BEND2: variants seen among roughly 807,000 people sequenced by gnomAD.
BEND2 encodes BEN domain containing 2, also known as BEN domain-containing protein 2.
In BEND2, 19 loss-of-function variants were observed where a neutral mutation model predicts 43.8. The observed-to-expected ratio is 0.43, with a 90% CI of 0.30 to 0.64. BEND2 has a LOEUF of 0.64. Ranked by LOEUF, BEND2 falls within the 30% of genes least tolerant of loss-of-function variation. The probability of loss-of-function intolerance (pLI) is 0.11; values close to 1 mark genes in which losing one functional copy is unlikely to be tolerated. For missense variants in BEND2, 544 were observed against 574.0 expected (o/e 0.95, Z 0.53); for synonymous variants, 226 against 210.1 (o/e 1.08, Z -0.66).
At chrX:18,173,069 A>G (rs1266671549) in intron 12 of BEND2, among the ~76,000 whole-genome samples, 1 of 111,075 alleles carries the variant, frequency 9.0e-6, no homozygotes, top group Non-Finnish European at 1.9e-5. Flanking sequence ...ATATTTTCCA[A>G]TTTTTCAAAT....
chrX:18,189,606 G>T (rs1924689639), intron 8 of BEND2, among the ~76,000 whole-genome samples: 2 of 111,635 alleles, frequency 1.8e-5, no homozygotes, highest in Admixed American at 1.9e-4. Flanking sequence ...TGAACAGAAT[G>T]AAGGACAAAA....
Position 18,203,684 on chromosome X carries a change from C to T in BEND2, c.724G>A (p.Glu242Lys). The change falls in exon 5 of 14, where the codon GAA becomes AAA. Residue 242 changes from glutamate to lysine, a missense_variant. By Grantham distance (56) the Glu-to-Lys change is moderately conservative. Coordinates refer to ENST00000380033, the MANE Select transcript of BEND2 (RefSeq NM_153346.5). Reference protein sequence around the residue: ...MPWNFISGGAESTNAVISFAN... With the variant: ...MPWNFISGGAKSTNAVISFAN... Reference sequence around the variant, plus strand: ...AATGAGATGACAGCATTGGTACTTTCAGCACCTCCACTGATAAAGTTCCAT... The same window carrying T: ...AATGAGATGACAGCATTGGTACTTTTAGCACCTCCACTGATAAAGTTCCAT... 1 of 1,211,202 alleles carries T rather than the reference C, an allele frequency of 8.3e-7. No individual in the cohort carries two copies. Among genetic ancestry groups the T allele is most frequent in the Non-Finnish European group, 1.1e-6 (1 of 894,845 alleles).
chrX:18,167,830 G>A (rs766133579), intron 13 of BEND2, among the ~76,000 whole-genome samples: 1 of 112,327 alleles, frequency 8.9e-6, no homozygotes, highest in African/African-American at 3.2e-5. Context: ...CTCCCAAAAG[G>A]GCTGGGATTA....
intron 5 of BEND2, among the ~76,000 whole-genome samples, chrX:18,202,358 A>G (rs1364252936): frequency 1.8e-5 from 2 of 112,264 alleles, no homozygotes; most frequent in Non-Finnish European, 3.8e-5. Flanking sequence ...ATCAATTACT[A>G]TGGTTTGAAG....
intron 13 of BEND2, among the ~76,000 whole-genome samples, chrX:18,167,982 T>A (rs1923866961): frequency 8.9e-6 from 1 of 112,526 alleles, no homozygotes; most frequent in African/African-American, 3.2e-5. Flanking sequence ...TTGAATCAAA[T>A]CATGAAGGAT....
At chrX:18,178,144 C>T (rs1924246823) in intron 9 of BEND2, among the ~76,000 whole-genome samples, 1 of 112,044 alleles carries the variant, frequency 8.9e-6, no homozygotes, top group Non-Finnish European at 1.9e-5. Flanking sequence ...TAAGAGTACA[C>T]TCAGAGCCAT....
At chrX:18,220,543 C>T (rs1312699038) in intron 1 of BEND2, among the ~76,000 whole-genome samples, 183 bp downstream of exon 1, 1 of 112,162 alleles carries the variant, frequency 8.9e-6, no homozygotes, top group East Asian at 2.8e-4. Context: ...GCCAAATTTC[C>T]CACCGGCGCG....
intron 10 of BEND2, among the ~76,000 whole-genome samples, chrX:18,176,681 A>G (rs1001972867): frequency 1.8e-5 from 2 of 108,489 alleles, no homozygotes; most frequent in Non-Finnish European, 3.8e-5. Flanking sequence ...CATGCGTCTG[A>G]AAAAAAAAAT....
At position 18,177,179 on chromosome X, in the gene BEND2, T is replaced by G. The variant is rs183583753; in HGVS notation, c.1630+390A>C. Among the ~76,000 whole-genome samples the G allele has an allele frequency of 7.8e-3, 842 of 108,316 alleles. 4 individuals are homozygous for G. The highest frequency in any genetic ancestry group is 0.027 in the African/African-American group (804 of 29,771). 94.1% of individuals were successfully genotyped at this position (108,316 alleles called of 115,157 possible). A position where few individuals can be genotyped will look rare whatever the true frequency, so the allele number is the denominator to read the frequency against. On this transcript the variant is annotated intron_variant, in intron 10 of 13. Transcript: ENST00000380033. ...CTAATCATAAAATTCTATTTCTGTG[T>G]TGCTAGTCACTAGCACTGACAAGTC...
chrX:18,208,297 C>CTA (rs1279468988), intron 4 of BEND2, among the ~76,000 whole-genome samples: 2 of 109,958 alleles, frequency 1.8e-5, no homozygotes, highest in Non-Finnish European at 3.8e-5. Flanking sequence ...ATCATCCTGG[C>CTA]TAACACGGCG....
chrX:18,198,468 G>A (rs1925032438), intron 6 of BEND2, among the ~76,000 whole-genome samples: 1 of 111,680 alleles, frequency 9.0e-6, no homozygotes, highest in Non-Finnish European at 1.9e-5. Flanking sequence ...CATCATCACT[G>A]GCCATCAGAG....
At chrX:18,200,253 A>G (rs1925097474) in intron 6 of BEND2, among the ~76,000 whole-genome samples, 2 of 111,615 alleles carry the variant, frequency 1.8e-5, no homozygotes. Flanking sequence ...CTGTAGTCTC[A>G]GCACTTTGGG....
At chrX:18,202,459 T>C (rs1485465827) in intron 5 of BEND2, among the ~76,000 whole-genome samples, 1 of 111,986 alleles carries the variant, frequency 8.9e-6, no homozygotes, top group African/African-American at 3.2e-5. Context: ...TCCTCCCTCA[T>C]GAATGGGATG....
At chrX:18,180,728 T>TGTAC in intron 8 of BEND2, 78 bp from the exon 9 acceptor site, 1 of 733,755 alleles carries the variant, frequency 1.4e-6, no homozygotes, top group Non-Finnish European at 2.0e-6. Flanking sequence ...AAATACACTC[T>TGTAC]CAGACAAAAG....
intron 8 of BEND2, among the ~76,000 whole-genome samples, chrX:18,189,195 A>C (rs1397423353): frequency 1.7e-5 from 1 of 60,284 alleles, no homozygotes; most frequent in East Asian, 4.2e-4. Flanking sequence ...AAGAGAATCC[A>C]TCTCAAAAAA....
chrX:18,185,533 AAATAATAATAATAATAATAATAAT>A (rs141832867), intron 8 of BEND2, among the ~76,000 whole-genome samples: 1 of 88,117 alleles, frequency 1.1e-5, no homozygotes, highest in African/African-American at 4.1e-5. Flanking sequence ...TCAGTCGCAA[AAATAATAATAATAATAATAATAAT>A]AATAATAATA....
At chrX:18,215,851 A>C (rs1049570822) in intron 2 of BEND2, among the ~76,000 whole-genome samples, 2 of 112,206 alleles carry the variant, frequency 1.8e-5, no homozygotes, top group Non-Finnish European at 3.8e-5. Context: ...TCATACAGCT[A>C]AGGAAGAAAT....
intron 8 of BEND2, among the ~76,000 whole-genome samples, chrX:18,182,829 A>G (rs1160436472): frequency 2.7e-5 from 3 of 110,428 alleles, no homozygotes; most frequent in South Asian, 3.9e-4. Flanking sequence ...TCATCTGGAG[A>G]TCAGGAGTTA....
At position 18,220,784 on chromosome X, in the gene BEND2, G is replaced by A; in HGVS notation, c.-34C>T. On this transcript the variant is annotated 5_prime_UTR_variant, in exon 1 of 14. Coordinates refer to ENST00000380033, the MANE Select transcript of BEND2 (RefSeq NM_153346.5). ...GGCGGGGTCTGGCTCTGAGGCCCGAGACCTGAGGCCCGAGACCTGAGGCCT... is the reference window on the plus strand; with the variant it reads ...GGCGGGGTCTGGCTCTGAGGCCCGAAACCTGAGGCCCGAGACCTGAGGCCT... 8.4e-7 allele frequency: 1 copy of A among 1,196,644 alleles called. No homozygotes were observed. Among genetic ancestry groups the A allele is most frequent in the Non-Finnish European group, 1.1e-6 (1 of 885,378 alleles).
Sources: gnomAD v4.1 joint callset for allele counts (sites outside exome capture counted in the v4.1 genomes callset) on GRCh38, gnomAD v4.1.1 for gene constraint, MANE v1.5 for transcripts, NCBI Gene and HGNC (gene_info 2026-07-23, HGNC 2026-07-21) for gene names.